The following SLC28A3 variants were observed in gnomAD, a reference collection of about 807,000 sequenced individuals.
SLC28A3 encodes solute carrier family 28 member 3, also known as concentrative Na(+)-nucleoside cotransporter 3.
In SLC28A3, 68 loss-of-function variants were observed where a neutral mutation model predicts 84.2. That is an observed-to-expected ratio of 0.81 (90% CI 0.66 to 0.99). The LOEUF is 0.99. Ranked by LOEUF, SLC28A3 falls within the 50% of genes least tolerant of loss-of-function variation. SLC28A3 has a pLI of 0.00. For missense variants in SLC28A3, 712 were observed against 841.5 expected, an observed-to-expected ratio of 0.85 and a Z score of 1.90; for synonymous variants, 267 against 303.6, an observed-to-expected ratio of 0.88 and a Z score of 1.25.
chr9:84,290,054 T>G (rs1465900258), intron 11 of SLC28A3, 100 bp downstream of exon 11: 5 of 1,466,276 alleles, frequency 3.4e-6, no homozygotes, highest in South Asian at 1.4e-5. Context: ...AAAAAGACAC[T>G]CTCTTGGCCT....
upstream of SLC28A3, among the ~76,000 whole-genome samples, chr9:84,341,253 G>A (rs1241390117): frequency 1.3e-5 from 2 of 152,136 alleles, no homozygotes; most frequent in Non-Finnish European, 2.9e-5. Context: ...TTACAGGCAT[G>A]AGCCACCGTG....
At position 84,285,439 on chromosome 9, in the gene SLC28A3, T is replaced by C. The variant is rs561817778; in HGVS notation, c.1553A>G (p.Asn518Ser). 88 of 1,614,198 alleles carry C rather than the reference T, an allele frequency of 5.5e-5. No individual in the cohort carries two copies. The East Asian group carries it at 1.2e-3, about 22-fold the overall frequency. Residue 518 changes from asparagine to serine, a missense_variant, in exon 14 of 18, where the codon AAT (asparagine) becomes AGT (serine). Asn to Ser is a conservative substitution (Grantham distance 46). Transcript: ENST00000376238. ...ARLIGYKTFFNEFVAYEHLSK... is the reference protein window; with the variant it reads ...ARLIGYKTFFSEFVAYEHLSK... ...GAGGTGCTCATAAGCCACAAATTCA[T>C]TGAAGAAGGTCTTATAACCTATGAG...
At chr9:84,340,246 A>T (rs1827112007) in intron 1 of SLC28A3, among the ~76,000 whole-genome samples, 1 of 151,836 alleles carries the variant, frequency 6.6e-6, no homozygotes, top group Non-Finnish European at 1.5e-5. Flanking sequence ...AAATTCCCCC[A>T]TTTTTCCCTT....
At chr9:84,343,224 T>A (rs1827199155), upstream of SLC28A3, among the ~76,000 whole-genome samples, 1 of 150,854 alleles carries the variant, frequency 6.6e-6, no homozygotes, top group Non-Finnish European at 1.5e-5. Context: ...CAAAAAAAAA[T>A]TGCCCCCGGG....
At chr9:84,330,122 G>C (rs957687389) in intron 1 of SLC28A3, among the ~76,000 whole-genome samples, 1 of 150,854 alleles carries the variant, frequency 6.6e-6, no homozygotes, top group Non-Finnish European at 1.5e-5. Flanking sequence ...ACAAAAGAGA[G>C]AATCAATGAA....
intron 3 of SLC28A3, among the ~76,000 whole-genome samples, chr9:84,307,640 C>T (rs535341996): frequency 3.0e-4 from 45 of 151,994 alleles, no homozygotes; most frequent in Admixed American, 6.5e-4. Context: ...CATTTTTTCA[C>T]GGTCTGATTT....
chr9:84,356,409 G>A, the SLC28A3 span, among the ~76,000 whole-genome samples: 4 of 152,168 alleles, frequency 2.6e-5, no homozygotes, highest in East Asian at 1.9e-4. Context: ...GAAAGGTGAC[G>A]CACACCTGGG....
chr9:84,347,502 A>C, the SLC28A3 span, among the ~76,000 whole-genome samples: 1 of 152,354 alleles, frequency 6.6e-6, no homozygotes, highest in African/African-American at 2.4e-5. Context: ...GGGAAGCACA[A>C]CTGAATTAAT....
chr9:84,291,917 T>C (rs78782856), intron 10 of SLC28A3, among the ~76,000 whole-genome samples: 1,654 of 152,298 alleles, frequency 0.011, 34 homozygotes, highest in African/African-American at 0.038. Context: ...CATGCTGCTA[T>C]TTTGAGGGAC....
intron 4 of SLC28A3, among the ~76,000 whole-genome samples, chr9:84,302,820 T>C (rs921095545): frequency 6.6e-6 from 1 of 151,950 alleles, no homozygotes; most frequent in East Asian, 1.9e-4. Flanking sequence ...TAAATTTGAG[T>C]GAAGGAATAG....
chr9:84,301,631 G>A (rs1825641102), intron 5 of SLC28A3, among the ~76,000 whole-genome samples: 1 of 152,064 alleles, frequency 6.6e-6, no homozygotes, highest in African/African-American at 2.4e-5. Flanking sequence ...AAAAAAAGTT[G>A]GTAAAAATAA....
chr9:84,297,554 A>C (rs1412844476), intron 7 of SLC28A3, among the ~76,000 whole-genome samples: 3 of 152,220 alleles, frequency 2.0e-5, no homozygotes, highest in Admixed American at 6.5e-5. Context: ...CAACTGTGGC[A>C]ATGTGTTGGG....
At chr9:84,355,306 T>G in the SLC28A3 span, among the ~76,000 whole-genome samples, 1 of 151,958 alleles carries the variant, frequency 6.6e-6, no homozygotes, top group Non-Finnish European at 1.5e-5. Flanking sequence ...GGCACAGTGG[T>G]GCATGCCTGT....
At chr9:84,301,754 C>T (rs915464259) in intron 5 of SLC28A3, among the ~76,000 whole-genome samples, 12 of 152,114 alleles carry the variant, frequency 7.9e-5, no homozygotes, top group African/African-American at 2.4e-4. Flanking sequence ...CTATCTTGTG[C>T]CAGGACAGAC....
chr9:84,364,097 G>A, the SLC28A3 span, among the ~76,000 whole-genome samples: 7 of 139,692 alleles, frequency 5.0e-5, no homozygotes, highest in Non-Finnish European at 1.1e-4. Context: ...TATCCTTTGT[G>A]TTACAAAAAA....
intron 5 of SLC28A3, among the ~76,000 whole-genome samples, chr9:84,301,533 G>C (rs1825638329): frequency 6.6e-6 from 1 of 152,094 alleles, no homozygotes; most frequent in Admixed American, 6.5e-5. Context: ...AGCCCCATGG[G>C]TCATGAAAAA....
At chr9:84,286,165 C>G in intron 12 of SLC28A3, 54 bp from the exon 13 acceptor site, 1 of 1,555,320 alleles carries the variant, frequency 6.4e-7, no homozygotes, top group Non-Finnish European at 8.8e-7. Flanking sequence ...AGGGGATGGA[C>G]ACCATTGGTG....
chr9:84,303,760 C>CT (rs1322381588), intron 4 of SLC28A3, among the ~76,000 whole-genome samples: 1 of 152,170 alleles, frequency 6.6e-6, no homozygotes, highest in Non-Finnish European at 1.5e-5. Flanking sequence ...TACCTTTTGA[C>CT]TTCACAGGGC....
chr9:84,315,774 C>T (rs999832243), intron 1 of SLC28A3, among the ~76,000 whole-genome samples: 8 of 152,154 alleles, frequency 5.3e-5, no homozygotes, highest in Admixed American at 2.0e-4. Context: ...CTTTCTTCTT[C>T]TTTTTAAATT....
Sources: allele counts gnomAD v4.1 joint callset (sites outside exome capture counted in the v4.1 genomes callset), GRCh38; gene constraint gnomAD v4.1.1; transcripts MANE v1.5; gene names NCBI Gene and HGNC (gene_info 2026-07-23, HGNC 2026-07-21).